SDK2: variants seen among roughly 807,000 people sequenced by gnomAD.
SDK2 encodes the protein sidekick cell adhesion molecule 2.
Under a neutral mutation model 253.9 loss-of-function variants are expected in SDK2, and 105 were observed. That is an observed-to-expected ratio of 0.41 (90% CI 0.35 to 0.49). The LOEUF is 0.49. Among genes scored for constraint, SDK2 ranks in the 20% least tolerant of loss-of-function variants. The pLI, the probability that SDK2 is intolerant of heterozygous loss-of-function variation, is 0.06. For missense variants in SDK2, 2,608 were observed against 3,003.0 expected (o/e 0.87, Z 3.07); for synonymous variants, 1,249 against 1,234.9 (o/e 1.01, Z -0.24).
chr17:73,508,394 T>TGC (rs2063952020), intron 1 of SDK2, among the ~76,000 whole-genome samples: 2 of 152,348 alleles, frequency 1.3e-5, no homozygotes, highest in African/African-American at 4.8e-5. Context: ...GCCTCTGCCC[T>TGC]TCTGGCCAGT....
At position 73,336,472 on chromosome 17, in the gene SDK2, G is replaced by C. The variant is rs2062379143; in HGVS notation, c.*2115C>G. On this transcript the variant is annotated 3_prime_UTR_variant, in exon 45 of 45. Transcript: ENST00000392650. ...CTCCTTATTGGAGAAACCGCTTTTT[G>C]GACACTGGAGCTGGGCTGGCCTGTC... is the stretch of plus-strand genomic sequence containing the variant. The C allele has an allele frequency of 6.6e-6, 1 of 152,374 alleles. No homozygotes were observed. The highest frequency in any genetic ancestry group is 2.4e-5 in the African/African-American group (1 of 41,412). 9.4% of individuals were successfully genotyped at this position (152,374 alleles called of 1,614,324 possible).
At chr17:73,529,393 G>C (rs941477275) in intron 1 of SDK2, among the ~76,000 whole-genome samples, 2 of 152,156 alleles carry the variant, frequency 1.3e-5, no homozygotes, top group African/African-American at 4.8e-5. Flanking sequence ...AATATGAAGA[G>C]TGGAATGATT....
At chr17:73,464,463 A>C (rs1399964775) in intron 3 of SDK2, among the ~76,000 whole-genome samples, 1 of 152,198 alleles carries the variant, frequency 6.6e-6, no homozygotes, top group East Asian at 1.9e-4. Context: ...TTCCTTATAA[A>C]TTACCTAGTC....
rs145375289 is a variant in SDK2, at chr17:73,401,123, C to T, written c.2868G>A (p.Thr956=). The change falls in exon 21 of 45, where the codon ACG becomes ACA. Residue 956 remains threonine, a synonymous_variant. Transcript: ENST00000392650. ...TGTAGGTGGTGAGCGCGGTGAGGCCCGTGACACGGTACTCCAGGGTCACGT... is the reference window on the plus strand; with the variant it reads ...TGTAGGTGGTGAGCGCGGTGAGGCCTGTGACACGGTACTCCAGGGTCACGT... The part of the protein sequence containing the change: ...LPNVTLEYRV[T]GLTALTTYTI... 0.016 allele frequency: 25,023 copies of T among 1,562,776 alleles called. 271 individuals carry two copies. The highest frequency in any genetic ancestry group is 0.019 in the Non-Finnish European group (21,410 of 1,153,518).
At chr17:73,422,516 C>A in intron 14 of SDK2, 82 bp from the exon 15 acceptor site, 2 of 1,492,328 alleles carry the variant, frequency 1.3e-6, no homozygotes, top group South Asian at 2.4e-5. Flanking sequence ...CCAGCAGGGT[C>A]CAGCTTCACT....
intron 34 of SDK2, 109 bp downstream of exon 34, chr17:73,380,785 G>A: frequency 1.1e-6 from 1 of 946,992 alleles, no homozygotes; most frequent in South Asian, 1.4e-5. Flanking sequence ...TAAGCCCCCT[G>A]GGGTGGGCAC....
chr17:73,546,878 A>G (rs2044973903), intron 1 of SDK2, among the ~76,000 whole-genome samples: 1 of 152,264 alleles, frequency 6.6e-6, no homozygotes, highest in African/African-American at 2.4e-5. Flanking sequence ...AGAGAGGTGC[A>G]GGGATGGTAC....
chr17:73,368,868 C>T (rs1397966512), intron 36 of SDK2, among the ~76,000 whole-genome samples: 2 of 152,022 alleles, frequency 1.3e-5, no homozygotes, highest in Non-Finnish European at 2.9e-5. Context: ...AAAAATCAGC[C>T]GGGCATGGTG....
rs1188103316 is a variant in SDK2 at position 73,455,803 on chromosome 17, G to C, written c.479+103C>G. The C allele has an allele frequency of 7.6e-6, 10 of 1,309,756 alleles. No individual in the cohort carries two copies. Among genetic ancestry groups the C allele is most frequent in the Non-Finnish European group, 8.1e-6 (8 of 983,456 alleles). 81.1% of individuals were successfully genotyped at this position (1,309,756 alleles called of 1,614,324 possible). A position where few individuals can be genotyped will look rare whatever the true frequency, so the allele number is the denominator to read the frequency against. On this transcript the variant is annotated intron_variant, in intron 4 of 44. Coordinates refer to ENST00000392650, the MANE Select transcript of SDK2 (RefSeq NM_001144952.2). This position sits in a 1 kb window ranked among gnomAD's most constrained non-coding sequence, Gnocchi z 5.0. ...CCCACAGGAGCTGAAAGGGGCTTCT[G>C]CACAAAGGCCCTCCTCCACACTCAA...
At chr17:73,411,659 A>G (rs2047466) in intron 18 of SDK2, among the ~76,000 whole-genome samples, 150,153 of 152,252 alleles carry the variant, frequency 0.99, 74,070 homozygotes, top group East Asian at 1. Flanking sequence ...CGGGGCCCAC[A>G]TGGAATGACA....
intron 16 of SDK2, among the ~76,000 whole-genome samples, chr17:73,416,838 C>T (rs2063186541): frequency 6.6e-6 from 1 of 150,662 alleles, no homozygotes; most frequent in Non-Finnish European, 1.5e-5. Context: ...ATCCACCTGC[C>T]TCAGCCTCCC....
intron 27 of SDK2, 32 bp downstream of exon 27, chr17:73,393,528 C>T: frequency 2.7e-6 from 4 of 1,493,814 alleles, no homozygotes; most frequent in South Asian, 1.4e-5. Context: ...CTCCTCCCAG[C>T]CTTCCCCAAG....
At chr17:73,369,011 CAA>C (rs56761775) in intron 36 of SDK2, 5,420 of 249,256 alleles carry the variant, frequency 0.022, no homozygotes, top group South Asian at 0.029. Flanking sequence ...GACTCCATCT[CAA>C]AAAAAAAAAA....
intron 2 of SDK2, among the ~76,000 whole-genome samples, chr17:73,488,264 C>T (rs562353717): frequency 3.3e-5 from 5 of 152,342 alleles, no homozygotes; most frequent in African/African-American, 9.6e-5. Flanking sequence ...GATTCGCCTG[C>T]CCCAACTTCC....
intron 2 of SDK2, among the ~76,000 whole-genome samples, chr17:73,504,081 G>A (rs990387417): frequency 6.6e-6 from 1 of 152,080 alleles, no homozygotes; most frequent in Non-Finnish European, 1.5e-5. Flanking sequence ...GTTCTGTGGT[G>A]CACTTGTGGT....
Position 73,644,005 on chromosome 17 carries a change from ACGTGGGGGTCC to A in SDK2, c.64+9_64+19del. 1 of 866,550 alleles carries A rather than the reference ACGTGGGGGTCC, an allele frequency of 1.2e-6. No homozygotes were observed. The highest frequency in any genetic ancestry group is 2.7e-5 in the African/African-American group (1 of 37,546). The allele number at this position is 866,550 out of a possible 1,614,324, so 53.7% of individuals were successfully genotyped here. On this transcript the variant is annotated intron_variant, in intron 1 of 44. Transcript: ENST00000392650. This position sits in a 1 kb window ranked among gnomAD's most constrained non-coding sequence, Gnocchi z 6.3. ...CTCTCCCAGCCCCCTCCCTGTCCCC[ACGTGGGGGTCC>A]CTCCTTACCTTGGGCTCTGGCCGCG...
chr17:73,483,871 A>T (rs1178921541), intron 2 of SDK2, among the ~76,000 whole-genome samples: 1 of 151,232 alleles, frequency 6.6e-6, no homozygotes, highest in Non-Finnish European at 1.5e-5. Context: ...CTAGGAGCAG[A>T]AAGGAATGAA....
rs2063464421 is a variant in SDK2 at position 73,447,798 on chromosome 17, C to A, written c.480-50G>T. ...TGACAGGGGCCTAAGGGGCTCTGAA[C>A]CTCCAGGGAGTGGGAGTGGAAACCC... On this transcript the variant is annotated intron_variant, in intron 4 of 44. Coordinates refer to ENST00000392650, the MANE Select transcript of SDK2 (RefSeq NM_001144952.2). The surrounding 1 kb of genome is among the most constrained non-coding windows in gnomAD (Gnocchi z 4.0). 3.9e-6 allele frequency: 6 copies of A among 1,549,696 alleles called. No homozygotes were observed. The highest frequency in any genetic ancestry group is 5.2e-6 in the Non-Finnish European group (6 of 1,145,566).
intron 2 of SDK2, among the ~76,000 whole-genome samples, chr17:73,480,581 T>C (rs544657673): frequency 2.0e-5 from 3 of 152,216 alleles, no homozygotes; most frequent in Non-Finnish European, 2.9e-5. Context: ...TGAATTTCCC[T>C]TCTGGTAGCA....
Sources: allele counts gnomAD v4.1 joint callset (sites outside exome capture counted in the v4.1 genomes callset), GRCh38; gene constraint gnomAD v4.1.1; non-coding constraint Gnocchi (gnomAD v3.1); transcripts MANE v1.5; gene names NCBI Gene and HGNC (gene_info 2026-07-23, HGNC 2026-07-21).